Variants in FAM53A observed in about 807,000 individuals in gnomAD.
FAM53A encodes protein FAM53A.
Under a neutral mutation model 26.6 loss-of-function variants are expected in FAM53A, and 28 were observed. The observed-to-expected ratio is 1.05, with a 90% confidence interval of 0.78 to 1.45. The LOEUF (loss-of-function observed/expected upper bound fraction) is 1.45. FAM53A is among the 40% of genes most tolerant of loss of function. FAM53A has a pLI of 0.00. For missense variants in FAM53A, 650 were observed against 575.8 expected (o/e 1.13, Z -1.32); for synonymous variants, 290 against 253.1 (o/e 1.15, Z -1.38).
downstream of FAM53A, among the ~76,000 whole-genome samples, chr4:1,636,887 G>C (rs892665710): frequency 2.0e-5 from 3 of 148,892 alleles, no homozygotes; most frequent in African/African-American, 4.8e-5. Context: ...CTCTTGCTGG[G>C]GGGGGGTCCC....
the FAM53A span, among the ~76,000 whole-genome samples, chr4:1,601,568 T>TTGCCATGCGCCCCATC: frequency 4.7e-5 from 5 of 107,096 alleles, 2 homozygotes; most frequent in Admixed American, 1.0e-4. Context: ...TGCGCCCCAT[T>TTGCCATGCGCCCCATC]TGCCATGCGC....
chr4:1,607,247 G>C, the FAM53A span, among the ~76,000 whole-genome samples: 2 of 151,854 alleles, frequency 1.3e-5, no homozygotes, highest in Admixed American at 6.6e-5. Flanking sequence ...TTGAACTCTT[G>C]ACCGCAAGTG....
intron 1 of FAM53A, among the ~76,000 whole-genome samples, chr4:1,669,965 G>A (rs747639542): frequency 1.3e-5 from 2 of 152,196 alleles, no homozygotes; most frequent in Non-Finnish European, 2.9e-5. Context: ...TCCTAGGCAA[G>A]GATTAAGGGC....
intron 1 of FAM53A, among the ~76,000 whole-genome samples, chr4:1,629,383 G>A (rs1431056480): frequency 6.6e-6 from 1 of 152,202 alleles, no homozygotes; most frequent in Non-Finnish European, 1.5e-5. Context: ...GGGCCCGCCA[G>A]GGAAAGCGGA....
chr4:1,682,511 TC>T (rs1319722276), intron 1 of FAM53A, among the ~76,000 whole-genome samples: 4 of 152,174 alleles, frequency 2.6e-5, no homozygotes, highest in African/African-American at 9.7e-5. Context: ...TCTGCCCGCC[TC>T]GGCCTCTCAA....
rs60872364 is a variant in FAM53A, at chr4:1,680,024, G to GAA, written c.-165+4207_-165+4208dup. On this transcript the variant is annotated intron_variant, in intron 1 of 4. Transcript: ENST00000308132. Reference sequence around the variant, plus strand: ...AGCGACAGGGCAAGACTCCGTCTCAGAAAAAAAAAAAAAAGTCCGGGCACG... The same window carrying GAA: ...AGCGACAGGGCAAGACTCCGTCTCAGAAAAAAAAAAAAAAAAGTCCGGGCACG... 1.4e-3 allele frequency among the ~76,000 whole-genome samples: 180 copies of GAA among 133,220 alleles called. 1 individual carries two copies. The highest frequency in any genetic ancestry group is 4.2e-3 in the Middle Eastern group (1 of 236). The allele number at this position is 133,220 out of a possible 152,430, so 87.4% of individuals were successfully genotyped here.
the FAM53A span, among the ~76,000 whole-genome samples, chr4:1,610,503 G>C: frequency 6.6e-6 from 1 of 152,182 alleles, no homozygotes; most frequent in Non-Finnish European, 1.5e-5. Context: ...CCCTGTTTTC[G>C]GGGCCAGAGC....
At chr4:1,594,147 A>T in the FAM53A span, among the ~76,000 whole-genome samples, 1 of 152,194 alleles carries the variant, frequency 6.6e-6, no homozygotes, top group African/African-American at 2.4e-5. Context: ...GAGGTCCCTG[A>T]GCCGCTTCTG....
At chr4:1,675,291 T>C (rs798738) in intron 1 of FAM53A, among the ~76,000 whole-genome samples, 149,218 of 152,126 alleles carry the variant, frequency 0.98, 73,249 homozygotes, top group East Asian at 1. Context: ...AAAGAGGACA[T>C]ACCACCTGAG....
chr4:1,616,667 G>A (rs2108733483), downstream of FAM53A, among the ~76,000 whole-genome samples: 1 of 152,384 alleles, frequency 6.6e-6, no homozygotes, highest in East Asian at 1.9e-4. Context: ...AATGCAGGGT[G>A]AAGGCTTTGA....
chr4:1,577,584 T>G, the FAM53A span, among the ~76,000 whole-genome samples: 2,214 of 152,352 alleles, frequency 0.015, 30 homozygotes, highest in Non-Finnish European at 0.024. Flanking sequence ...AATATCATTT[T>G]TTTAATTACC....
chr4:1,607,425 C>A, the FAM53A span, among the ~76,000 whole-genome samples: 3 of 152,014 alleles, frequency 2.0e-5, no homozygotes, highest in African/African-American at 7.3e-5. Context: ...GCAGTGAGAC[C>A]TGTAGCATGG....
chr4:1,622,161 A>G (rs947887889), intron 1 of FAM53A, among the ~76,000 whole-genome samples: 4 of 152,178 alleles, frequency 2.6e-5, no homozygotes, highest in Admixed American at 1.3e-4. Flanking sequence ...GTTCACGATC[A>G]GTTACCCAGA....
At chr4:1,627,105 G>T (rs1396123662) in intron 1 of FAM53A, among the ~76,000 whole-genome samples, 1 of 152,156 alleles carries the variant, frequency 6.6e-6, no homozygotes, top group African/African-American at 2.4e-5. Context: ...TCGCTCCGGT[G>T]CCCCCAGGTC....
chr4:1,609,824 A>C, the FAM53A span, among the ~76,000 whole-genome samples: 6 of 151,822 alleles, frequency 4.0e-5, no homozygotes, highest in African/African-American at 1.5e-4. Flanking sequence ...TTAGCCAGGC[A>C]TGGTGGCAGG....
intron 1 of FAM53A, among the ~76,000 whole-genome samples, chr4:1,679,347 C>G (rs1371733620): frequency 7.2e-6 from 1 of 139,582 alleles, no homozygotes; most frequent in African/African-American, 2.7e-5. Flanking sequence ...GATCATGCCA[C>G]TGCACTCCAG....
chr4:1,683,135 TACC>T (rs1715572883), intron 1 of FAM53A, among the ~76,000 whole-genome samples: 1 of 152,246 alleles, frequency 6.6e-6, no homozygotes, highest in South Asian at 2.1e-4. Flanking sequence ...CTGAAAGAAC[TACC>T]ACCTAGTTTT....
intron 2 of FAM53A, among the ~76,000 whole-genome samples, chr4:1,663,745 G>A (rs1225649218): frequency 6.6e-6 from 1 of 151,824 alleles, no homozygotes; most frequent in East Asian, 1.9e-4. Context: ...GCATAAGGAG[G>A]GTCACTTGAG....
the FAM53A span, among the ~76,000 whole-genome samples, chr4:1,591,074 T>TTA: frequency 6.7e-6 from 1 of 150,130 alleles, no homozygotes; most frequent in African/African-American, 2.4e-5. Context: ...TTTGTGATTT[T>TTA]TTGGCCTTAT....
Sources: gnomAD v4.1 joint callset for allele counts (sites outside exome capture counted in the v4.1 genomes callset) on GRCh38, gnomAD v4.1.1 for gene constraint, MANE v1.5 for transcripts, NCBI Gene and HGNC (gene_info 2026-07-23, HGNC 2026-07-21) for gene names.